Variants in GRIP1 observed in about 807,000 individuals in gnomAD.
GRIP1 encodes the protein glutamate receptor-interacting protein 1.
GRIP1 carries 45 observed loss-of-function variants against 129.9 expected under a neutral mutation model. That is an observed-to-expected ratio of 0.35 (90% confidence interval 0.27 to 0.44). The LOEUF is 0.44. Ranked by LOEUF, GRIP1 falls within the 20% of genes least tolerant of loss-of-function variation. The probability of loss-of-function intolerance (pLI) is 1.00; values close to 1 mark genes in which losing one functional copy is unlikely to be tolerated. For synonymous variants in GRIP1, 530 were observed against 520.8 expected, an observed-to-expected ratio of 1.02 and a Z score of -0.24; for missense variants, 1,196 against 1,396.8, an observed-to-expected ratio of 0.86 and a Z score of 2.29.
At chr12:66,769,648 C>T (rs564968389) in intron 1 of GRIP1, among the ~76,000 whole-genome samples, 47 of 152,116 alleles carry the variant, frequency 3.1e-4, no homozygotes, top group Non-Finnish European at 5.7e-4. Flanking sequence ...ACACACACTT[C>T]GTTATCTCTC....
chr12:66,623,700 G>C (rs768910782), intron 1 of GRIP1, among the ~76,000 whole-genome samples: 1 of 151,970 alleles, frequency 6.6e-6, no homozygotes, highest in Non-Finnish European at 1.5e-5. Context: ...TCTTCTGTAG[G>C]CTCAGCTGCT....
At chr12:66,381,092 G>A (rs545035056) in intron 19 of GRIP1, among the ~76,000 whole-genome samples, 53 of 152,126 alleles carry the variant, frequency 3.5e-4, no homozygotes, top group Non-Finnish European at 6.5e-4. Flanking sequence ...CAGGATATCT[G>A]AAGGATAATA....
upstream of GRIP1, chr12:67,069,187 C>T: frequency 1.2e-6 from 1 of 866,968 alleles, no homozygotes; most frequent in Non-Finnish European, 1.4e-6. Context: ...CGCCTCCTCG[C>T]TCGTCCTCTA....
In GRIP1 at chr12:66,597,069, G is replaced by T. The variant is rs2064081919; in HGVS notation, c.56-142C>A. 1.7e-5 allele frequency: 12 copies of T among 714,712 alleles called. No homozygotes were observed. The Admixed American group carries it at 2.2e-4, about 13-fold the overall frequency. 44.3% of individuals were successfully genotyped at this position (714,712 alleles called of 1,614,324 possible). On this transcript the variant is annotated intron_variant, in intron 1 of 24. Coordinates refer to ENST00000359742, the MANE Select transcript of GRIP1 (RefSeq NM_001366722.1). ...GTCGGTAGGCCTGGGTCCTATACTT[G>T]GGTTAGCTGTGGGATAAATCTTTGA...
intron 19 of GRIP1, among the ~76,000 whole-genome samples, chr12:66,388,230 T>C (rs1164956435): frequency 1.3e-5 from 2 of 152,066 alleles, no homozygotes; most frequent in Non-Finnish European, 2.9e-5. Flanking sequence ...AACAATATTA[T>C]GGATATAATT....
chr12:66,730,259 A>C (rs1429038008), intron 1 of GRIP1, among the ~76,000 whole-genome samples: 1 of 152,216 alleles, frequency 6.6e-6, no homozygotes, highest in East Asian at 1.9e-4. Context: ...CTAGCGTCAT[A>C]AACAGCTCCA....
chr12:66,707,367 A>G (rs982996842), intron 1 of GRIP1, among the ~76,000 whole-genome samples: 14 of 151,918 alleles, frequency 9.2e-5, no homozygotes, highest in African/African-American at 3.4e-4. Context: ...AAAACATACC[A>G]TGTAAGTAAG....
chr12:66,370,187 C>T (rs900173615), intron 23 of GRIP1, among the ~76,000 whole-genome samples: 14 of 152,198 alleles, frequency 9.2e-5, no homozygotes, highest in African/African-American at 3.1e-4. Context: ...TTTTCTGTCC[C>T]CTGATAGTGG....
chr12:66,923,493 C>A (rs993474851), intron 1 of GRIP1, among the ~76,000 whole-genome samples: 3 of 152,198 alleles, frequency 2.0e-5, no homozygotes, highest in Non-Finnish European at 4.4e-5. Flanking sequence ...TCCTACTCAA[C>A]AAGAGTTCTT....
At position 66,979,222 on chromosome 12, in the gene GRIP1, TAAAAAAAAAAAAAAAAAAA is replaced by T. The variant is rs35306665; in HGVS notation, c.58+89809_58+89827del. On this transcript the variant is annotated intron_variant, in intron 1 of 1. Transcript: ENST00000643019. The stretch of plus-strand genomic sequence containing the variant: ...CCCCAAGCCACAAAACTTCTCTTCT[TAAAAAAAAAAAAAAAAAAA>T]AAAAAAAAAAAAACAAGCCCGTCAT... 1.4e-4 allele frequency among the ~76,000 whole-genome samples: 6 copies of T among 41,458 alleles called. No individual in the cohort carries two copies. In the East Asian group the frequency reaches 4.0e-3, roughly 28 times the overall value. The allele number at this position is 41,458 out of a possible 152,430, so 27.2% of individuals were successfully genotyped here. A position where few individuals can be genotyped will look rare whatever the true frequency, so the allele number is the denominator to read the frequency against.
chr12:67,003,776 T>C (rs1361208879), intron 1 of GRIP1, among the ~76,000 whole-genome samples: 1 of 152,158 alleles, frequency 6.6e-6, no homozygotes, highest in Non-Finnish European at 1.5e-5. Flanking sequence ...CTCCTATCTA[T>C]TTTTAAATGA....
At chr12:66,559,616 G>A (rs980094595) in intron 2 of GRIP1, among the ~76,000 whole-genome samples, 6 of 151,936 alleles carry the variant, frequency 3.9e-5, no homozygotes, top group Non-Finnish European at 8.8e-5. Context: ...GGAATTAAAA[G>A]AAGTGAAAGG....
chr12:66,965,309 C>T (rs552958396), intron 1 of GRIP1, among the ~76,000 whole-genome samples: 1 of 152,178 alleles, frequency 6.6e-6, no homozygotes, highest in South Asian at 2.1e-4. Context: ...ATGAAATCTA[C>T]TTAAGCTCTC....
At chr12:66,386,768 A>T (rs979750435) in intron 19 of GRIP1, among the ~76,000 whole-genome samples, 1 of 152,226 alleles carries the variant, frequency 6.6e-6, no homozygotes, top group African/African-American at 2.4e-5. Flanking sequence ...TCGCTGCCAA[A>T]TTTGTTTTCT....
intron 1 of GRIP1, among the ~76,000 whole-genome samples, chr12:66,700,591 G>A (rs1329238724): frequency 1.3e-5 from 2 of 152,076 alleles, no homozygotes; most frequent in Non-Finnish European, 2.9e-5. Flanking sequence ...AGGATGACAG[G>A]TGCATGCCAC....
At chr12:66,688,494 A>G (rs950524847) in intron 1 of GRIP1, among the ~76,000 whole-genome samples, 5 of 152,186 alleles carry the variant, frequency 3.3e-5, no homozygotes, top group Non-Finnish European at 5.9e-5. Flanking sequence ...TTCCATTTGT[A>G]ATATAGTTAT....
intron 1 of GRIP1, among the ~76,000 whole-genome samples, chr12:66,642,082 G>A (rs957196401): frequency 3.4e-4 from 52 of 152,168 alleles, no homozygotes; most frequent in African/African-American, 1.2e-3. Flanking sequence ...TCTCGTGGGG[G>A]AGAGAAGCCA....
At chr12:66,613,623 C>A (rs914448092) in intron 1 of GRIP1, among the ~76,000 whole-genome samples, 2 of 152,050 alleles carry the variant, frequency 1.3e-5, no homozygotes, top group Non-Finnish European at 2.9e-5. Context: ...AAGAACTTTC[C>A]GATTTCTGTC....
intron 1 of GRIP1, among the ~76,000 whole-genome samples, chr12:66,730,916 G>T (rs4506730): frequency 6.6e-6 from 1 of 152,048 alleles, no homozygotes; most frequent in African/African-American, 2.4e-5. Context: ...TCTATCAATA[G>T]AATATTCTGT....
Sources: allele counts gnomAD v4.1 joint callset (sites outside exome capture counted in the v4.1 genomes callset), GRCh38; gene constraint gnomAD v4.1.1; transcripts MANE v1.5; gene names NCBI Gene and HGNC (gene_info 2026-07-23, HGNC 2026-07-21).